The following CPNE8 variants were observed in gnomAD, a reference collection of about 807,000 sequenced individuals.
CPNE8 encodes the protein copine 8.
Under a neutral mutation model 81.5 loss-of-function variants are expected in CPNE8, and 45 were observed. That is an observed-to-expected ratio of 0.55 (90% CI 0.44 to 0.71). The LOEUF (loss-of-function observed/expected upper bound fraction) is 0.71, where lower values mean the gene tolerates loss of function less well. CPNE8 is among the 30% of genes least tolerant of loss of function. The pLI, the probability that CPNE8 is intolerant of heterozygous loss-of-function variation, is 0.00. For missense variants in CPNE8, 594 were observed against 672.1 expected, an observed-to-expected ratio of 0.88 and a Z score of 1.28; for synonymous variants, 252 against 226.3, an observed-to-expected ratio of 1.11 and a Z score of -1.02.
chr12:38,845,620 C>T (rs1406872742), intron 4 of CPNE8, among the ~76,000 whole-genome samples: 2 of 150,188 alleles, frequency 1.3e-5, no homozygotes, highest in Admixed American at 6.6e-5. Context: ...ATATATATAA[C>T]TCGTGAACTA....
At chr12:38,845,711 G>T (rs1190193668) in intron 4 of CPNE8, among the ~76,000 whole-genome samples, 2 of 151,970 alleles carry the variant, frequency 1.3e-5, no homozygotes, top group Admixed American at 1.3e-4. Context: ...TAATAAGCCT[G>T]TTCTTTCAGG....
rs555615146 is a variant in CPNE8, at chr12:38,652,358, T to C, written c.*1524A>G. ...TACATGAAACGTACAAAGCAAATAGTTATGATTTAAAGATTTTAATACATA... is the reference window on the plus strand; with the variant it reads ...TACATGAAACGTACAAAGCAAATAGCTATGATTTAAAGATTTTAATACATA... On this transcript the variant is annotated 3_prime_UTR_variant, in exon 20 of 20. Coordinates refer to ENST00000331366, the MANE Select transcript of CPNE8 (RefSeq NM_153634.3). 1.4e-3 allele frequency: 212 copies of C among 152,606 alleles called. No homozygotes were observed. The highest frequency in any genetic ancestry group is 4.9e-3 in the African/African-American group (203 of 41,552). The allele number at this position is 152,606 out of a possible 1,614,324, so 9.5% of individuals were successfully genotyped here.
intron 6 of CPNE8, among the ~76,000 whole-genome samples, chr12:38,799,538 T>C (rs1942599886): frequency 6.6e-6 from 1 of 151,910 alleles, no homozygotes; most frequent in East Asian, 1.9e-4. Flanking sequence ...CTGGGACGCA[T>C]TCAAAGCAGT....
intron 16 of CPNE8, among the ~76,000 whole-genome samples, chr12:38,683,899 C>T (rs990764658): frequency 7.2e-5 from 11 of 152,050 alleles, no homozygotes; most frequent in African/African-American, 2.2e-4. Flanking sequence ...CAATAGAACA[C>T]TGTGGAGCCT....
rs111842745 is a variant in CPNE8, at chr12:38,660,082, G to A, written c.1507-6012C>T. Among the ~76,000 whole-genome samples the A allele has an allele frequency of 2.8e-3, 427 of 152,214 alleles. 3 individuals are homozygous for A. The highest frequency in any genetic ancestry group is 8.7e-3 in the African/African-American group (361 of 41,532). Reference sequence around the variant, plus strand: ...TCAATGCCATCCCCATCAAGCTACCGATGACTTTCTTCACAGAAATGGAAA... The same window carrying A: ...TCAATGCCATCCCCATCAAGCTACCAATGACTTTCTTCACAGAAATGGAAA... On this transcript the variant is annotated intron_variant, in intron 19 of 19. Transcript: ENST00000331366.
At chr12:38,718,452 G>A (rs1160823709) in intron 13 of CPNE8, among the ~76,000 whole-genome samples, 3 of 152,056 alleles carry the variant, frequency 2.0e-5, no homozygotes, top group East Asian at 1.9e-4. Flanking sequence ...AGCTTTTACA[G>A]GAAACATGAA....
intron 3 of CPNE8, among the ~76,000 whole-genome samples, chr12:38,852,222 G>A (rs1289900763): frequency 6.6e-6 from 1 of 151,980 alleles, no homozygotes; most frequent in Non-Finnish European, 1.5e-5. Context: ...GAGGTTAGGG[G>A]TTCAAGACCA....
chr12:38,704,644 G>A (rs1351353175), intron 13 of CPNE8, among the ~76,000 whole-genome samples: 1 of 151,708 alleles, frequency 6.6e-6, no homozygotes, highest in East Asian at 1.9e-4. Context: ...GTACACTGTG[G>A]AGCATCAGTT....
chr12:38,895,404 A>AACTTTTCTT (rs1420029688), intron 1 of CPNE8, among the ~76,000 whole-genome samples: 1 of 152,108 alleles, frequency 6.6e-6, no homozygotes, highest in African/African-American at 2.4e-5. Flanking sequence ...CATTTCAATT[A>AACTTTTCTT]ACTTTTCTTA....
At chr12:38,814,627 G>C (rs989801660) in intron 6 of CPNE8, among the ~76,000 whole-genome samples, 1 of 151,916 alleles carries the variant, frequency 6.6e-6, no homozygotes, top group Non-Finnish European at 1.5e-5. Context: ...GGCTATTTAT[G>C]TGGCTTTTAT....
chr12:38,703,973 C>T (rs1940021186), intron 13 of CPNE8, among the ~76,000 whole-genome samples: 3 of 152,038 alleles, frequency 2.0e-5, no homozygotes, highest in East Asian at 3.9e-4. Flanking sequence ...AGCTGGAGGC[C>T]GATACCCTAG....
intron 10 of CPNE8, among the ~76,000 whole-genome samples, chr12:38,759,580 A>C (rs1941533554): frequency 2.6e-5 from 4 of 152,224 alleles, no homozygotes. Context: ...TCTAAGAGCA[A>C]ACTTCAAATC....
At chr12:38,714,199 C>A (rs1042343298) in intron 13 of CPNE8, among the ~76,000 whole-genome samples, 2 of 151,978 alleles carry the variant, frequency 1.3e-5, no homozygotes, top group Non-Finnish European at 2.9e-5. Context: ...AGTGAATAAA[C>A]CCAGTTCACA....
intron 6 of CPNE8, among the ~76,000 whole-genome samples, chr12:38,803,492 T>C (rs924517813): frequency 1.6e-4 from 24 of 150,100 alleles, no homozygotes; most frequent in African/African-American, 4.9e-4. Flanking sequence ...AAATTAGGTA[T>C]TGATGGGACG....
intron 4 of CPNE8, among the ~76,000 whole-genome samples, chr12:38,845,856 C>T (rs1943550721): frequency 1.3e-5 from 2 of 152,212 alleles, no homozygotes; most frequent in South Asian, 4.1e-4. Flanking sequence ...CCCTTTCTAG[C>T]CCTAATTGTT....
At chr12:38,803,630 T>G (rs1218636057) in intron 6 of CPNE8, among the ~76,000 whole-genome samples, 1 of 145,690 alleles carries the variant, frequency 6.9e-6, no homozygotes, top group Non-Finnish European at 1.5e-5. Flanking sequence ...CCGCTCCTAT[T>G]CAACATAGTG....
intron 1 of CPNE8, among the ~76,000 whole-genome samples, chr12:38,894,770 G>A (rs1422012713): frequency 2.0e-5 from 3 of 150,750 alleles, no homozygotes; most frequent in Non-Finnish European, 4.4e-5. Context: ...AAAGAAAAAT[G>A]TTTGTGTTAC....
intron 10 of CPNE8, among the ~76,000 whole-genome samples, chr12:38,740,841 C>A (rs2136792564): frequency 6.6e-6 from 1 of 152,228 alleles, no homozygotes; most frequent in Middle Eastern, 3.4e-3. Context: ...GGATATTGGT[C>A]TAAAATTCTC....
At chr12:38,795,424 C>A (rs1942436576) in intron 6 of CPNE8, among the ~76,000 whole-genome samples, 1 of 152,092 alleles carries the variant, frequency 6.6e-6, no homozygotes, top group Non-Finnish European at 1.5e-5. Flanking sequence ...ATTTGCACAC[C>A]TATGTTAATA....
Sources: allele counts gnomAD v4.1 joint callset (sites outside exome capture counted in the v4.1 genomes callset), GRCh38; gene constraint gnomAD v4.1.1; transcripts MANE v1.5; gene names NCBI Gene and HGNC (gene_info 2026-07-23, HGNC 2026-07-21).